SUMF1: variants seen among roughly 807,000 people sequenced by gnomAD.
SUMF1 encodes the protein sulfatase modifying factor 1.
Under a neutral mutation model 47.6 loss-of-function variants are expected in SUMF1, and 48 were observed. The ratio of observed to expected loss-of-function variants is 1.01; its 90% CI spans 0.80 to 1.28. The LOEUF (loss-of-function observed/expected upper bound fraction) is 1.28, where lower values mean the gene tolerates loss of function less well. Among genes scored for constraint, SUMF1 ranks in the 50% most tolerant of loss-of-function variants. SUMF1 has a pLI of 0.00. For synonymous variants in SUMF1, 230 were observed against 192.1 expected (o/e 1.20, Z -1.63); for missense variants, 571 against 485.4 (o/e 1.18, Z -1.66).
chr3:4,288,557 A>G lies in SUMF1; in HGVS notation c.1014+87773T>C, dbSNP rs1697679974. Among the ~76,000 whole-genome samples, 3 of 152,120 alleles carry G rather than the reference A, an allele frequency of 2.0e-5. No individual in the cohort carries two copies. The South Asian group carries it at 6.2e-4, about 31-fold the overall frequency. On this transcript the variant is annotated intron_variant and NMD_transcript_variant, in intron 8 of 12. Coordinates refer to the SUMF1 transcript ENST00000448413. ...CATACAATCACCCCACTCAAAAATTAGAAGCTACAAGGCTGGCAGATCACA... is the reference window on the plus strand; with the variant it reads ...CATACAATCACCCCACTCAAAAATTGGAAGCTACAAGGCTGGCAGATCACA...
intron 8 of SUMF1, among the ~76,000 whole-genome samples, chr3:4,282,395 G>A (rs1276380548): frequency 6.6e-6 from 1 of 152,176 alleles, no homozygotes; most frequent in African/African-American, 2.4e-5. Context: ...AGGATGTGGA[G>A]TTAATACACT....
chr3:4,415,512 C>A (rs1339686824), intron 6 of SUMF1, among the ~76,000 whole-genome samples: 3 of 152,046 alleles, frequency 2.0e-5, no homozygotes, highest in Admixed American at 6.5e-5. Flanking sequence ...GGGAATCTAT[C>A]TTTAAAAAAT....
At position 4,456,714 on chromosome 3, in the gene SUMF1, ATACATATATATACGTGTG is replaced by A. The variant is rs1299815803; in HGVS notation, c.271-3683_271-3666del. Among the ~76,000 whole-genome samples the A allele has an allele frequency of 4.2e-3, 563 of 133,990 alleles. 20 individuals carry two copies. The highest frequency in any genetic ancestry group is 0.015 in the African/African-American group (532 of 36,426). 87.9% of individuals were successfully genotyped at this position (133,990 alleles called of 152,430 possible). On this transcript the variant is annotated intron_variant, in intron 1 of 8. Coordinates refer to ENST00000272902, the MANE Select transcript of SUMF1 (RefSeq NM_182760.4). Reference sequence around the variant, plus strand: ...TGTGTATATATATATACGTATATATATACATATATATACGTGTGTATATATACACACATATATACGTGT... The same window carrying A: ...TGTGTATATATATATACGTATATATATATATATACACACATATATACGTGT...
At chr3:4,203,192 G>C (rs1695577092) in intron 8 of SUMF1, among the ~76,000 whole-genome samples, 1 of 151,900 alleles carries the variant, frequency 6.6e-6, no homozygotes, top group African/African-American at 2.4e-5. Context: ...GTGGAGTATT[G>C]ATGTTCCCAC....
At chr3:4,255,237 A>T (rs1431886766) in intron 8 of SUMF1, among the ~76,000 whole-genome samples, 2 of 129,150 alleles carry the variant, frequency 1.5e-5, no homozygotes, top group African/African-American at 2.8e-5. Context: ...TAACATCATA[A>T]TGACAGGATC....
intron 8 of SUMF1, among the ~76,000 whole-genome samples, chr3:4,131,213 C>G (rs923527075): frequency 1.8e-4 from 27 of 152,154 alleles, no homozygotes; most frequent in Non-Finnish European, 1.5e-5. Context: ...AACTTTCCAT[C>G]ATCAAATGGA....
At chr3:4,213,103 A>G (rs933573578) in intron 8 of SUMF1, among the ~76,000 whole-genome samples, 1 of 152,192 alleles carries the variant, frequency 6.6e-6, no homozygotes, top group Non-Finnish European at 1.5e-5. Context: ...CCCAAGACGC[A>G]TAATCATCAG....
In SUMF1 at chr3:4,368,046, G is replaced by C. The variant is rs1700038064; in HGVS notation, c.1015-5792C>G. Among the ~76,000 whole-genome samples the C allele has an allele frequency of 2.0e-5, 3 of 151,944 alleles. No individual in the cohort carries two copies. The South Asian group carries it at 6.2e-4, about 32-fold the overall frequency. On this transcript the variant is annotated intron_variant, in intron 8 of 8. Transcript: ENST00000272902. ...AAAGAAACTACCATCAGAGTGAACA[G>C]GCAACCTACAAAATGGGAGAAAATT...
In SUMF1 at chr3:4,366,336, G is replaced by A. The variant is rs149031247; in HGVS notation, c.1015-4082C>T. 3.9e-3 allele frequency among the ~76,000 whole-genome samples: 595 copies of A among 152,190 alleles called. 5 individuals carry two copies. Among genetic ancestry groups the A allele is most frequent in the African/African-American group, 0.014 (565 of 41,520 alleles). On this transcript the variant is annotated intron_variant, in intron 8 of 8. Transcript: ENST00000272902. The stretch of plus-strand genomic sequence containing the variant: ...TTTCCAACTTGGTTCCATTCTCCCC[G>A]TCACTTTCAGGTACACCCATCAGAC...
At chr3:4,169,549 C>T (rs750262841) in intron 8 of SUMF1, among the ~76,000 whole-genome samples, 1 of 152,146 alleles carries the variant, frequency 6.6e-6, no homozygotes, top group Non-Finnish European at 1.5e-5. Context: ...GAAGCATGCC[C>T]TTGCAGACAC....
At chr3:4,267,501 G>C (rs552117590) in intron 8 of SUMF1, among the ~76,000 whole-genome samples, 171 of 152,230 alleles carry the variant, frequency 1.1e-3, no homozygotes, top group African/African-American at 3.8e-3. Flanking sequence ...AGATTTTCTA[G>C]TTTATTTGCA....
chr3:4,107,714 A>C (rs932048065), intron 8 of SUMF1, among the ~76,000 whole-genome samples: 6 of 152,200 alleles, frequency 3.9e-5, no homozygotes, highest in Admixed American at 2.0e-4. Context: ...GCACTTTGGA[A>C]GGCCAAGGCT....
downstream of SUMF1, among the ~76,000 whole-genome samples, chr3:4,357,971 G>A (rs1309334882): frequency 1.3e-5 from 2 of 151,828 alleles, no homozygotes; most frequent in Admixed American, 6.6e-5. Flanking sequence ...GGGTCATATC[G>A]ACAATTGAGA....
chr3:4,215,132 G>A (rs918665592), intron 8 of SUMF1, among the ~76,000 whole-genome samples: 4 of 152,038 alleles, frequency 2.6e-5, no homozygotes, highest in South Asian at 2.1e-4. Context: ...GACGAACATC[G>A]ATGCAAAAAT....
intron 9 of SUMF1, among the ~76,000 whole-genome samples, chr3:4,036,331 T>C (rs1320504610): frequency 6.6e-6 from 1 of 152,296 alleles, no homozygotes; most frequent in Non-Finnish European, 1.5e-5. Context: ...TAAACTGTTA[T>C]CTTATTTTGA....
Position 4,361,815 on chromosome 3 carries a change from A to T in SUMF1, c.*329T>A. 2.8e-6 allele frequency: 1 copy of T among 354,382 alleles called. No homozygotes were observed. The highest frequency in any genetic ancestry group is 5.4e-6 in the Non-Finnish European group (1 of 185,672). 22.0% of individuals were successfully genotyped at this position (354,382 alleles called of 1,614,324 possible). ...GAGGCCCAGGAAGGTCAAGCGTCGG[A>T]CCTGGGGTCTAACCCCTGTGGCAGA... On this transcript the variant is annotated 3_prime_UTR_variant, in exon 9 of 9. Coordinates refer to ENST00000272902, the MANE Select transcript of SUMF1 (RefSeq NM_182760.4).
chr3:4,120,907 T>A (rs1176701102), intron 8 of SUMF1, among the ~76,000 whole-genome samples: 1 of 152,182 alleles, frequency 6.6e-6, no homozygotes, highest in Non-Finnish European at 1.5e-5. Flanking sequence ...ATTTTCTCAT[T>A]GGTAAGATGC....
chr3:4,377,597 A>T (rs1377061644), intron 7 of SUMF1, among the ~76,000 whole-genome samples: 2 of 151,506 alleles, frequency 1.3e-5, no homozygotes, highest in African/African-American at 4.9e-5. Flanking sequence ...AATAAGAATT[A>T]ACATCTACAC....
chr3:4,419,157 C>T (rs1701812450), intron 4 of SUMF1, among the ~76,000 whole-genome samples: 1 of 152,188 alleles, frequency 6.6e-6, no homozygotes, highest in Non-Finnish European at 1.5e-5. Context: ...TTAGCATTTT[C>T]CTCTGTTACT....
Sources: allele counts gnomAD v4.1 joint callset (sites outside exome capture counted in the v4.1 genomes callset), GRCh38; gene constraint gnomAD v4.1.1; transcripts MANE v1.5; gene names NCBI Gene and HGNC (gene_info 2026-07-23, HGNC 2026-07-21).